RASGRP2: variants seen among roughly 807,000 people sequenced by gnomAD.
RASGRP2 encodes RAS guanyl releasing protein 2.
RASGRP2 carries 44 observed loss-of-function variants against 71.0 expected under a neutral mutation model. That is an observed-to-expected ratio of 0.62 (90% CI 0.49 to 0.80). The LOEUF (loss-of-function observed/expected upper bound fraction) is 0.80. RASGRP2 is among the 30% of genes least tolerant of loss of function. The probability of loss-of-function intolerance (pLI) is 0.00; values close to 1 mark genes in which losing one functional copy is unlikely to be tolerated. For synonymous variants in RASGRP2, 350 were observed against 330.7 expected, an observed-to-expected ratio of 1.06 and a Z score of -0.63; for missense variants, 663 against 813.4, an observed-to-expected ratio of 0.82 and a Z score of 2.25.
chr11:64,735,917 G>T lies in RASGRP2; in HGVS notation c.1159C>A (p.Arg387Ser), dbSNP rs746056618. The T allele has an allele frequency of 9.9e-6, 16 of 1,613,694 alleles. No individual in the cohort carries two copies. The highest frequency in any genetic ancestry group is 2.7e-5 in the African/African-American group (2 of 74,872). The change falls in exon 10 of 17, where the codon CGC (arginine) becomes AGC (serine). Residue 387 changes from arginine (R) to serine (S), a missense_variant. Physicochemically the swap from Arg to Ser is moderately radical, Grantham distance 110. Transcript: ENST00000394432. This position sits in a 1 kb window ranked among gnomAD's most constrained non-coding sequence, Gnocchi z 4.2. Reference protein sequence around the residue: ...LYQLSLQREPRSKSSPTSPTS... With the variant: ...LYQLSLQREPSSKSSPTSPTS... ...TACCCCCTCACCGAGGACTTGGAGC[G>T]CGGCTCCCGCTGCAGGGACAGCTGG... is the stretch of plus-strand genomic sequence containing the variant.
rs983795328 is a variant in RASGRP2 at position 64,729,913 on chromosome 11, A to G, written c.1555-115T>C. The G allele has an allele frequency of 1.5e-5, 24 of 1,565,986 alleles. No homozygotes were observed. The Admixed American group carries it at 4.2e-4, about 28-fold the overall frequency. Reference sequence around the variant, plus strand: ...AGCCCGCCTCAGGGCCCCGGGCAGAACCACAGGAGGAGAGGCAAATAGAAT... The same window carrying G: ...AGCCCGCCTCAGGGCCCCGGGCAGAGCCACAGGAGGAGAGGCAAATAGAAT... On this transcript the variant is annotated intron_variant, in intron 13 of 16. Coordinates refer to ENST00000394432, the MANE Select transcript of RASGRP2 (RefSeq NM_001098671.2).
At position 64,739,013 on chromosome 11, in the gene RASGRP2, C is replaced by T. The variant is rs1270939099; in HGVS notation, c.813+347G>A. On this transcript the variant is annotated intron_variant, in intron 8 of 16. Coordinates refer to ENST00000394432, the MANE Select transcript of RASGRP2 (RefSeq NM_001098671.2). The surrounding 1 kb of genome is among the most constrained non-coding windows in gnomAD (Gnocchi z 4.2). Reference sequence around the variant, plus strand: ...AAAAATTAGGCATGGTGGCGTACACCTGTAGTCCCAGCTACTCAGGAGGCT... The same window carrying T: ...AAAAATTAGGCATGGTGGCGTACACTTGTAGTCCCAGCTACTCAGGAGGCT... Among the ~76,000 whole-genome samples the T allele has an allele frequency of 6.6e-6, 1 of 151,710 alleles. No individual in the cohort carries two copies. The highest frequency in any genetic ancestry group is 6.6e-5 in the Admixed American group (1 of 15,214).
At chr11:64,729,950 C>T in intron 13 of RASGRP2, 103 bp downstream of exon 13, 1 of 1,534,426 alleles carries the variant, frequency 6.5e-7, no homozygotes, top group Non-Finnish European at 8.8e-7. Flanking sequence ...ACCAGGTTTT[C>T]CTGGCTTGAG....
chr11:64,728,498 GC>G (rs917377080), intron 15 of RASGRP2, among the ~76,000 whole-genome samples: 2 of 151,834 alleles, frequency 1.3e-5, no homozygotes, highest in African/African-American at 4.8e-5. Flanking sequence ...CGCGATCTCG[GC>G]TCACTGCAAG....
chr11:64,740,710 G>C (rs2058093787), intron 5 of RASGRP2: 2 of 666,264 alleles, frequency 3.0e-6, no homozygotes, highest in Non-Finnish European at 5.5e-6. Flanking sequence ...AGCCGACGGG[G>C]AGCCGACCCA....
chr11:64,734,042 T>C (rs1222234751), intron 12 of RASGRP2, among the ~76,000 whole-genome samples: 2 of 151,862 alleles, frequency 1.3e-5, no homozygotes, highest in East Asian at 3.9e-4. Flanking sequence ...CTAGGAGCAG[T>C]AGCTCATGCC....
At position 64,727,001 on chromosome 11, in the gene RASGRP2, C is replaced by T; in HGVS notation, c.*137G>A. The T allele has an allele frequency of 2.4e-6, 1 of 425,262 alleles. No individual in the cohort carries two copies. The highest frequency in any genetic ancestry group is 4.4e-6 in the Non-Finnish European group (1 of 225,078). The allele number at this position is 425,262 out of a possible 1,614,324, so 26.3% of individuals were successfully genotyped here. On this transcript the variant is annotated 3_prime_UTR_variant, in exon 17 of 17. Transcript: ENST00000394432. Reference sequence around the variant, plus strand: ...CAACCTTAGGGACACCAGCCCTGGCCCTGCCCTCAGCTGCATGCCACCCTC... The same window carrying T: ...CAACCTTAGGGACACCAGCCCTGGCTCTGCCCTCAGCTGCATGCCACCCTC...
Position 64,728,957 on chromosome 11 carries a change from C to A in RASGRP2, c.1677G>T (p.Gly559=), listed in dbSNP as rs147750351. 3.3e-5 allele frequency: 53 copies of A among 1,612,182 alleles called. No individual in the cohort carries two copies. In the African/African-American group the frequency reaches 6.3e-4, roughly 19 times the overall value. ...GCATGGGTGAGGGTGAGGGTGCAGA[C>A]CCCTCCAGGCTCACACTCTGGGCCC... ...RRRAQSVSLE[G]SAPSPSPMHS... Residue 559 remains glycine, a synonymous_variant, in exon 15 of 17, where the codon GGG becomes GGT. Coordinates refer to ENST00000394432, the MANE Select transcript of RASGRP2 (RefSeq NM_001098671.2).
Position 64,733,313 on chromosome 11 carries a change from T to C in RASGRP2, c.1412+1799A>G, listed in dbSNP as rs1186277584. On this transcript the variant is annotated intron_variant, in intron 12 of 16. Transcript: ENST00000394432. ...TTACAATGAAGTGGTGAGCTGGGCC[T>C]GGTCCTGGGAGCCGGTGCTGGTCTC... 3.3e-5 allele frequency among the ~76,000 whole-genome samples: 5 copies of C among 151,890 alleles called. No individual in the cohort carries two copies. The East Asian group carries it at 7.7e-4, about 24-fold the overall frequency.
At position 64,739,545 on chromosome 11, in the gene RASGRP2, TAG is replaced by T. The variant is rs2058052724; in HGVS notation, c.697-71_697-70del. 1 of 1,610,018 alleles carries T rather than the reference TAG, an allele frequency of 6.2e-7. No individual in the cohort carries two copies. The highest frequency in any genetic ancestry group is 1.7e-5 in the Admixed American group (1 of 60,008). Reference sequence around the variant, plus strand: ...GGCCCAGAATTTGGCCCAGCTTATCTAGAGAGAAGGCAGTGGGTTAGGGGAAG... The same window carrying T: ...GGCCCAGAATTTGGCCCAGCTTATCTAGAGAAGGCAGTGGGTTAGGGGAAG... On this transcript the variant is annotated intron_variant, in intron 7 of 16. Transcript: ENST00000394432. This position sits in a 1 kb window ranked among gnomAD's most constrained non-coding sequence, Gnocchi z 4.2.
rs1457012428 is a variant in RASGRP2 at position 64,742,458 on chromosome 11, G to GC, written c.73+335dup. 129 of 560,692 alleles carry GC rather than the reference G, an allele frequency of 2.3e-4. No individual in the cohort carries two copies. The highest frequency in any genetic ancestry group is 4.2e-5 in the Non-Finnish European group (13 of 312,226). 34.7% of individuals were successfully genotyped at this position (560,692 alleles called of 1,614,324 possible). On this transcript the variant is annotated intron_variant, in intron 2 of 16. Transcript: ENST00000394432. The surrounding 1 kb of genome is among the most constrained non-coding windows in gnomAD (Gnocchi z 4.7). ...GGGGCACCCCTTCACCAGATAAGCCGCCCCCCATTAGCCGGAAACAGCTCC... is the reference window on the plus strand; with the variant it reads ...GGGGCACCCCTTCACCAGATAAGCCGCCCCCCCATTAGCCGGAAACAGCTCC...
rs1277810657 is a variant in RASGRP2, at chr11:64,730,126, C to T, written c.1481G>A (p.Arg494His). ...FLRSSSVLGG[R>H]MGFVHNFQES... ...CTGGAAGTTGTGTACGAAGCCCATG[C>T]GCCCCCCCAACACAGAGCTGGAGCG... Residue 494 changes from arginine (R) to histidine (H), a missense_variant, in exon 13 of 17, where the codon CGC becomes CAC. By Grantham distance (29) the Arg-to-His change is conservative. Coordinates refer to ENST00000394432, the MANE Select transcript of RASGRP2 (RefSeq NM_001098671.2). The T allele has an allele frequency of 6.4e-7, 1 of 1,551,168 alleles. No individual in the cohort carries two copies.
chr11:64,734,234 C>T (rs961945514), intron 12 of RASGRP2, among the ~76,000 whole-genome samples: 1 of 151,706 alleles, frequency 6.6e-6, no homozygotes, highest in East Asian at 2.0e-4. Flanking sequence ...ATCACTTGAA[C>T]CCAGGAAGTG....
chr11:64,729,894 C>T lies in RASGRP2; in HGVS notation c.1555-96G>A, dbSNP rs1169488556. On this transcript the variant is annotated intron_variant, in intron 13 of 16. Transcript: ENST00000394432. ...GGTGAGACTAGGGCTTTAGAGCCCG[C>T]CTCAGGGCCCCGGGCAGAACCACAG... is the stretch of plus-strand genomic sequence containing the variant. 15 of 1,572,632 alleles carry T rather than the reference C, an allele frequency of 9.5e-6. 1 individual carries two copies. In the East Asian group the frequency reaches 3.4e-4, roughly 35 times the overall value.
intron 12 of RASGRP2, among the ~76,000 whole-genome samples, chr11:64,733,084 T>C (rs1402808963): frequency 4.7e-5 from 7 of 150,350 alleles, no homozygotes; most frequent in Non-Finnish European, 8.9e-5. Context: ...AAGATCGCGC[T>C]ATTGCACTCC....
chr11:64,741,955 G>A (rs891862186), intron 3 of RASGRP2, 55 bp downstream of exon 3: 31 of 1,451,330 alleles, frequency 2.1e-5, no homozygotes, highest in Non-Finnish European at 2.9e-5. Flanking sequence ...GCTGGGCAGA[G>A]GGGCTGCGCA....
intron 12 of RASGRP2, among the ~76,000 whole-genome samples, 182 bp from the exon 13 acceptor site, chr11:64,730,376 A>G (rs761485932): frequency 1.3e-5 from 2 of 152,008 alleles, no homozygotes; most frequent in Non-Finnish European, 2.9e-5. Flanking sequence ...GCCGCTAACC[A>G]GTGTGTGGTC....
chr11:64,730,349 A>T (rs1230577365), intron 12 of RASGRP2, among the ~76,000 whole-genome samples, 155 bp from the exon 13 acceptor site: 2 of 152,232 alleles, frequency 1.3e-5, no homozygotes, highest in Non-Finnish European at 2.9e-5. Context: ...ACTAGGGGTC[A>T]GGCAGATGTG....
In RASGRP2 at chr11:64,735,249, G is replaced by A. The variant is rs904389321; in HGVS notation, c.1297-22C>T. ...CAGACTGGGGCACGCAGAGGGACAC[G>A]CAGAGCCAGAAGAGGGGAGAGTAAA... On this transcript the variant is annotated intron_variant, in intron 11 of 16. Coordinates refer to ENST00000394432, the MANE Select transcript of RASGRP2 (RefSeq NM_001098671.2). This position sits in a 1 kb window ranked among gnomAD's most constrained non-coding sequence, Gnocchi z 4.2. 4 of 1,581,628 alleles carry A rather than the reference G, an allele frequency of 2.5e-6. No individual in the cohort carries two copies. Among genetic ancestry groups the A allele is most frequent in the Non-Finnish European group, 3.5e-6 (4 of 1,150,556 alleles).
Sources: allele counts gnomAD v4.1 joint callset (sites outside exome capture counted in the v4.1 genomes callset), GRCh38; gene constraint gnomAD v4.1.1; non-coding constraint Gnocchi (gnomAD v3.1); transcripts MANE v1.5; gene names NCBI Gene and HGNC (gene_info 2026-07-23, HGNC 2026-07-21).